Variants in EYS observed in about 807,000 individuals in gnomAD.
The protein encoded by EYS is protein eyes shut homolog.
In EYS, 250 loss-of-function variants were observed where a neutral mutation model predicts 282.1. The ratio of observed to expected loss-of-function variants is 0.89; its 90% CI spans 0.80 to 0.98. The LOEUF is 0.98. Ranked by LOEUF, EYS falls within the 50% of genes least tolerant of loss-of-function variation. EYS has a pLI of 0.00. For missense variants in EYS, 4,016 were observed against 3,709.0 expected (o/e 1.08, Z -2.15); for synonymous variants, 1,355 against 1,282.9 (o/e 1.06, Z -1.20).
chr6:63,970,763 A>G (rs1011378597), intron 35 of EYS, among the ~76,000 whole-genome samples: 1 of 152,112 alleles, frequency 6.6e-6, no homozygotes, highest in Non-Finnish European at 1.5e-5. Context: ...CTGCTTTCTT[A>G]CTTCAATGTG....
chr6:65,386,086 C>T (rs1197603088), intron 7 of EYS, among the ~76,000 whole-genome samples: 6 of 151,620 alleles, frequency 4.0e-5, no homozygotes, highest in Non-Finnish European at 2.9e-5. Context: ...CAATATTCAG[C>T]CACTAAGAAG....
intron 35 of EYS, among the ~76,000 whole-genome samples, chr6:63,906,444 A>G (rs564832714): frequency 6.6e-6 from 1 of 152,184 alleles, no homozygotes; most frequent in Non-Finnish European, 1.5e-5. Context: ...ATCTCTTGCT[A>G]TAACTGTGTC....
intron 26 of EYS, among the ~76,000 whole-genome samples, chr6:64,447,919 G>A (rs1465557720): frequency 1.3e-5 from 2 of 152,146 alleles, no homozygotes. Context: ...TTATTTAATA[G>A]CAATCCGTAA....
At chr6:65,202,549 A>G (rs1174227692) in intron 12 of EYS, among the ~76,000 whole-genome samples, 2 of 152,020 alleles carry the variant, frequency 1.3e-5, no homozygotes, top group Non-Finnish European at 2.9e-5. Flanking sequence ...ACAGTTTGGG[A>G]TGTATGAAGA....
At chr6:64,294,663 G>C (rs1023425024) in intron 30 of EYS, among the ~76,000 whole-genome samples, 2 of 152,096 alleles carry the variant, frequency 1.3e-5, no homozygotes. Flanking sequence ...AATGTTATTT[G>C]ACTTTTTCAC....
chr6:64,847,019 G>T (rs1368830409), intron 19 of EYS, among the ~76,000 whole-genome samples: 2 of 151,882 alleles, frequency 1.3e-5, no homozygotes, highest in Non-Finnish European at 2.9e-5. Context: ...CAGTGTGAAT[G>T]AATGCCCATC....
chr6:64,149,601 T>C (rs922394130), intron 31 of EYS, among the ~76,000 whole-genome samples: 1 of 152,196 alleles, frequency 6.6e-6, no homozygotes, highest in African/African-American at 2.4e-5. Flanking sequence ...GATAGACACT[T>C]GTACCAGGCA....
At chr6:65,462,279 C>A (rs1446944964) in intron 5 of EYS, among the ~76,000 whole-genome samples, 1 of 151,996 alleles carries the variant, frequency 6.6e-6, no homozygotes, top group Non-Finnish European at 1.5e-5. Flanking sequence ...TGACAAAGAA[C>A]AGATGAGTGA....
intron 22 of EYS, among the ~76,000 whole-genome samples, chr6:64,665,226 G>A (rs1769187650): frequency 6.6e-6 from 1 of 152,128 alleles, no homozygotes; most frequent in East Asian, 1.9e-4. Context: ...TCACATATGT[G>A]TTTTAAATAA....
At chr6:64,616,879 C>G (rs1354767361) in intron 24 of EYS, among the ~76,000 whole-genome samples, 1 of 151,910 alleles carries the variant, frequency 6.6e-6, no homozygotes, top group African/African-American at 2.4e-5. Flanking sequence ...TATTCATGGG[C>G]TGCGGTCAGT....
chr6:63,905,624 C>A (rs1385244191), intron 35 of EYS, among the ~76,000 whole-genome samples: 1 of 152,184 alleles, frequency 6.6e-6, no homozygotes. Context: ...GCCACCGCGC[C>A]TGGCCAAATA....
chr6:64,041,678 C>T (rs1021124293), intron 33 of EYS, among the ~76,000 whole-genome samples: 1 of 152,120 alleles, frequency 6.6e-6, no homozygotes, highest in Non-Finnish European at 1.5e-5. Context: ...ACCAATTTCC[C>T]TATGTGGGAT....
chr6:64,907,735 G>A (rs1767875891), intron 16 of EYS, among the ~76,000 whole-genome samples: 1 of 152,034 alleles, frequency 6.6e-6, no homozygotes, highest in Middle Eastern at 3.2e-3. Context: ...GGGTCTGAAT[G>A]CCAATATTCC....
intron 13 of EYS, among the ~76,000 whole-genome samples, chr6:65,005,846 G>A (rs11752311): frequency 0.066 from 10,067 of 151,640 alleles, 508 homozygotes; most frequent in East Asian, 0.13. Flanking sequence ...CCCAGCAGTC[G>A]CCCATGCGTG....
intron 31 of EYS, among the ~76,000 whole-genome samples, chr6:64,088,636 T>G (rs1772245317): frequency 6.6e-6 from 1 of 152,006 alleles, no homozygotes; most frequent in Admixed American, 6.6e-5. Context: ...TTATCATTTT[T>G]ATTATTTTTT....
intron 10 of EYS, among the ~76,000 whole-genome samples, chr6:65,337,098 T>A (rs1315186198): frequency 1.3e-5 from 2 of 151,464 alleles, no homozygotes; most frequent in African/African-American, 4.8e-5. Flanking sequence ...TTTATTGATA[T>A]CTAAATAGAT....
chr6:65,146,875 T>C (rs1764491527), intron 12 of EYS, among the ~76,000 whole-genome samples: 1 of 151,990 alleles, frequency 6.6e-6, no homozygotes, highest in Admixed American at 6.6e-5. Flanking sequence ...TTCAAAAACG[T>C]TGTCAAAGTA....
intron 36 of EYS, among the ~76,000 whole-genome samples, chr6:63,841,766 CG>C (rs1056651735): frequency 2.6e-5 from 4 of 152,098 alleles, no homozygotes; most frequent in African/African-American, 7.2e-5. Flanking sequence ...CTTTGCCCCC[CG>C]CCACCCAACA....
chr6:65,544,293 AT>A (rs1768302032), intron 2 of EYS, among the ~76,000 whole-genome samples: 1 of 152,108 alleles, frequency 6.6e-6, no homozygotes, highest in Non-Finnish European at 1.5e-5. Context: ...ATTTTGCAGA[AT>A]GTCATTTTGT....
Sources: gnomAD v4.1 joint callset for allele counts (sites outside exome capture counted in the v4.1 genomes callset) on GRCh38, gnomAD v4.1.1 for gene constraint, MANE v1.5 for transcripts, NCBI Gene and HGNC (gene_info 2026-07-23, HGNC 2026-07-21) for gene names.